The following CUTC variants were observed in gnomAD, a reference collection of about 807,000 sequenced individuals.
CUTC encodes cutC copper transporter.
CUTC carries 27 observed loss-of-function variants against 36.2 expected under a neutral mutation model. The observed-to-expected ratio is 0.75, with a 90% CI of 0.55 to 1.03. The LOEUF is 1.03. CUTC is among the 50% of genes least tolerant of loss of function. CUTC has a pLI of 0.00. For synonymous variants in CUTC, 114 were observed against 118.3 expected (o/e 0.96, Z 0.24); for missense variants, 315 against 343.5 (o/e 0.92, Z 0.66).
intron 5 of CUTC, 102 bp from the exon 6 acceptor site, chr10:99,747,155 G>A: frequency 7.5e-7 from 1 of 1,327,562 alleles, no homozygotes; most frequent in Non-Finnish European, 1.0e-6. Flanking sequence ...TTGTAAGCCA[G>A]TACAAGCTAG....
At chr10:99,732,523 C>A (rs751180275) in intron 1 of CUTC, 114 bp downstream of exon 1, 2 of 1,500,604 alleles carry the variant, frequency 1.3e-6, no homozygotes, top group Non-Finnish European at 1.8e-6. Flanking sequence ...CTCCTTCCAG[C>A]CCCTTGGGCG....
chr10:99,736,673 T>G (rs2037299313), intron 2 of CUTC, among the ~76,000 whole-genome samples: 1 of 152,172 alleles, frequency 6.6e-6, no homozygotes, highest in African/African-American at 2.4e-5. Flanking sequence ...TCCCTCAAAG[T>G]TTCTGTTGTA....
At position 99,732,236 on chromosome 10, in the gene CUTC, C is replaced by G. The variant is rs765196958; in HGVS notation, c.-113C>G. ...GCGGGGGCTGCTGGGGCGTAGGTGTCGGGGACGCGCGCACGGGCGCGCGCA... is the reference window on the plus strand; with the variant it reads ...GCGGGGGCTGCTGGGGCGTAGGTGTGGGGGACGCGCGCACGGGCGCGCGCA... On this transcript the variant is annotated 5_prime_UTR_variant, in exon 1 of 9. Coordinates refer to ENST00000370476, the MANE Select transcript of CUTC (RefSeq NM_015960.3). 29 of 1,528,226 alleles carry G rather than the reference C, an allele frequency of 1.9e-5. No individual in the cohort carries two copies. The highest frequency in any genetic ancestry group is 2.0e-4 in the Middle Eastern group (1 of 5,102). The allele number at this position is 1,528,226 out of a possible 1,614,324, so 94.7% of individuals were successfully genotyped here.
At chr10:99,732,587 G>C (rs2037223955) in intron 1 of CUTC, 178 bp downstream of exon 1, 3 of 1,436,488 alleles carry the variant, frequency 2.1e-6, no homozygotes, top group Non-Finnish European at 2.7e-6. Context: ...CGTGACGAGG[G>C]GCAGGTAGCG....
intron 6 of CUTC, among the ~76,000 whole-genome samples, chr10:99,748,717 GCAGTGTTTTACT>G (rs2037397307): frequency 6.6e-6 from 1 of 152,182 alleles, no homozygotes; most frequent in Admixed American, 6.5e-5. Flanking sequence ...CATCCAGACT[GCAGTGTTTTACT>G]CATTTGAAGG....
chr10:99,736,126 C>T (rs539299009), intron 1 of CUTC, 120 bp from the exon 2 acceptor site: 3 of 722,948 alleles, frequency 4.1e-6, no homozygotes, highest in Non-Finnish European at 2.5e-6. Context: ...CCCTAGTGTA[C>T]TTATCTATTA....
intron 4 of CUTC, 46 bp from the exon 5 acceptor site, chr10:99,743,991 G>A (rs1220425704): frequency 6.5e-7 from 1 of 1,532,224 alleles, no homozygotes; most frequent in South Asian, 1.1e-5. Flanking sequence ...ATAGTAATCA[G>A]TGATGACATC....
intron 1 of CUTC, among the ~76,000 whole-genome samples, chr10:99,735,442 CTG>C (rs2037288423): frequency 6.6e-6 from 1 of 152,132 alleles, no homozygotes; most frequent in Admixed American, 6.5e-5. Context: ...GAGTATCACT[CTG>C]TCACCCAGGC....
In CUTC at chr10:99,739,780, AT is replaced by A; in HGVS notation, c.193+16del. 1.2e-6 allele frequency: 2 copies of A among 1,604,162 alleles called. No individual in the cohort carries two copies. Among genetic ancestry groups the A allele is most frequent in the African/African-American group, 1.3e-5 (1 of 74,412 alleles). On this transcript the variant is annotated intron_variant, in intron 3 of 8. Coordinates refer to ENST00000370476, the MANE Select transcript of CUTC (RefSeq NM_015960.3). ...CTACACCCAGCATGGGTAAGTGTCCATTTTTCCCAGGTTTTCTGATTGGAGT... is the reference window on the plus strand; with the variant it reads ...CTACACCCAGCATGGGTAAGTGTCCATTTTCCCAGGTTTTCTGATTGGAGT...
chr10:99,754,518 C>A lies in CUTC; in HGVS notation c.602-11C>A, dbSNP rs755814547. On this transcript the variant is annotated splice_polypyrimidine_tract_variant and intron_variant, in intron 7 of 8. Transcript: ENST00000370476. ...TATTTTACTTAATGTGTTACTTATT[C>A]TTTGCAACAGGAGGTGGTATAACAG... 6.5e-6 allele frequency: 10 copies of A among 1,548,098 alleles called. No homozygotes were observed. In the East Asian group the frequency reaches 1.4e-4, roughly 21 times the overall value.
chr10:99,753,250 T>TA (rs1206586605), intron 7 of CUTC, among the ~76,000 whole-genome samples: 1 of 152,212 alleles, frequency 6.6e-6, no homozygotes, highest in Admixed American at 6.5e-5. Flanking sequence ...TCTTAATCCT[T>TA]ACAATAAGCT....
chr10:99,755,206 G>A lies in CUTC; in HGVS notation c.708-419G>A, dbSNP rs191594962. 4.0e-3 allele frequency among the ~76,000 whole-genome samples: 602 copies of A among 152,142 alleles called. 5 individuals are homozygous for A. Among genetic ancestry groups the A allele is most frequent in the African/African-American group, 0.013 (536 of 41,510 alleles). ...ACAATGTAAAAGAAGCAAGATGGCT[G>A]GCTGGGTGAGGTGGCTCACACCTGT... On this transcript the variant is annotated intron_variant, in intron 8 of 8. Transcript: ENST00000370476.
intron 2 of CUTC, among the ~76,000 whole-genome samples, chr10:99,737,519 G>A (rs1285658131): frequency 6.6e-6 from 1 of 152,114 alleles, no homozygotes; most frequent in Non-Finnish European, 1.5e-5. Flanking sequence ...AGGGTGTAGG[G>A]TTGTTTTGGG....
intron 8 of CUTC, among the ~76,000 whole-genome samples, chr10:99,755,127 G>T (rs1408857586): frequency 6.6e-6 from 1 of 152,078 alleles, no homozygotes; most frequent in African/African-American, 2.4e-5. Flanking sequence ...TACTTAAGAA[G>T]ACTCTTACAA....
chr10:99,734,027 T>C (rs2037267577), intron 1 of CUTC, among the ~76,000 whole-genome samples: 1 of 151,958 alleles, frequency 6.6e-6, no homozygotes, highest in Middle Eastern at 3.4e-3. Context: ...AGAGCATAGA[T>C]TGACACTTAA....
Position 99,743,474 on chromosome 10 carries a change from T to C in CUTC, c.403+112T>C. On this transcript the variant is annotated intron_variant, in intron 4 of 8. Coordinates refer to ENST00000370476, the MANE Select transcript of CUTC (RefSeq NM_015960.3). ...CTTTGCGGTCATAGCTACAGACACT[T>C]ATACTAACCTAAGTATTTCAAATAG... is the stretch of plus-strand genomic sequence containing the variant. 4 of 895,734 alleles carry C rather than the reference T, an allele frequency of 4.5e-6. No individual in the cohort carries two copies. The Admixed American group carries it at 6.2e-5, about 14-fold the overall frequency. 55.5% of individuals were successfully genotyped at this position (895,734 alleles called of 1,614,324 possible). A position where few individuals can be genotyped will look rare whatever the true frequency, so the allele number is the denominator to read the frequency against.
At position 99,755,740 on chromosome 10, in the gene CUTC, C is replaced by A; in HGVS notation, c.*1C>A. On this transcript the variant is annotated 3_prime_UTR_variant, in exon 9 of 9. Coordinates refer to ENST00000370476, the MANE Select transcript of CUTC (RefSeq NM_015960.3). ...TATCGCAAAGAACATCCTGGTGTAG[C>A]CAGACCTCTCTGAGAGACATGGATA... 1.3e-6 allele frequency: 2 copies of A among 1,577,448 alleles called. No homozygotes were observed. The highest frequency in any genetic ancestry group is 1.3e-5 in the African/African-American group (1 of 74,176).
chr10:99,747,247 T>C lies in CUTC; in HGVS notation c.440-10T>C. 1 of 1,612,200 alleles carries C rather than the reference T, an allele frequency of 6.2e-7. No homozygotes were observed. The highest frequency in any genetic ancestry group is 1.1e-5 in the South Asian group (1 of 90,704). On this transcript the variant is annotated splice_polypyrimidine_tract_variant and intron_variant, in intron 5 of 8. Coordinates refer to ENST00000370476, the MANE Select transcript of CUTC (RefSeq NM_015960.3). ...CTGTTCAAAATTCACATCAGTTTTA[T>C]TTATTTCAGCCTTTGACATGGTTCA...
intron 2 of CUTC, among the ~76,000 whole-genome samples, chr10:99,738,044 G>A (rs1337000509): frequency 6.6e-6 from 1 of 151,912 alleles, no homozygotes; most frequent in East Asian, 1.9e-4. Flanking sequence ...TACTCGGGAA[G>A]CTGAGGCAGG....
Sources: allele counts gnomAD v4.1 joint callset (sites outside exome capture counted in the v4.1 genomes callset), GRCh38; gene constraint gnomAD v4.1.1; transcripts MANE v1.5; gene names NCBI Gene and HGNC (gene_info 2026-07-23, HGNC 2026-07-21).